The following VSIG10L variants were observed in gnomAD, a reference collection of about 807,000 sequenced individuals.
VSIG10L encodes V-set and immunoglobulin domain containing 10 like, also known as V-set and immunoglobulin domain-containing protein 10-like.
VSIG10L carries 63 observed loss-of-function variants against 67.3 expected under a neutral mutation model. The observed-to-expected ratio is 0.94, with a 90% confidence interval of 0.76 to 1.15. VSIG10L has a LOEUF of 1.15. Among genes scored for constraint, VSIG10L ranks in the 50% most tolerant of loss-of-function variants. The pLI is 0.00. For missense variants in VSIG10L, 1,050 were observed against 1,177.5 expected (o/e 0.89, Z 1.58); for synonymous variants, 499 against 524.9 (o/e 0.95, Z 0.67).
In VSIG10L at chr19:51,331,630, A is replaced by G. The variant is rs558681600; in HGVS notation, c.*981T>C. 6.6e-6 allele frequency: 1 copy of G among 152,320 alleles called. No homozygotes were observed. Among genetic ancestry groups the G allele is most frequent in the East Asian group, 1.9e-4 (1 of 5,184 alleles). The allele number at this position is 152,320 out of a possible 1,614,324, so 9.4% of individuals were successfully genotyped here. On this transcript the variant is annotated 3_prime_UTR_variant, in exon 10 of 10. Transcript: ENST00000335624. ...TTCTCAATTAGAAACCCAGCTGAAA[A>G]AGCAAGACTTACGCTGAAGACAGCA...
chr19:51,340,210 G>A lies in VSIG10L; in HGVS notation c.1279C>T (p.Arg427Cys), dbSNP rs1342354303. 3 of 1,488,390 alleles carry A rather than the reference G, an allele frequency of 2.0e-6. 1 individual carries two copies. The Admixed American group carries it at 6.5e-5, about 32-fold the overall frequency. 92.2% of individuals were successfully genotyped at this position (1,488,390 alleles called of 1,614,324 possible). ...FVTAGSNVTLRCAAASRPPAD... is the reference protein window; with the variant it reads ...FVTAGSNVTLCCAAASRPPAD... ...GGCGGCCGCGAGGCGGCGGCGCAGCGCAAGGTCACGTTACTGCCCGCGGTG... is the reference window on the plus strand; with the variant it reads ...GGCGGCCGCGAGGCGGCGGCGCAGCACAAGGTCACGTTACTGCCCGCGGTG... The change falls in exon 4 of 10, where the codon CGC becomes TGC. Residue 427 changes from arginine (R) to cysteine (C), a missense_variant. Coordinates refer to ENST00000335624, the MANE Select transcript of VSIG10L (RefSeq NM_001163922.3). This position sits in a 1 kb window ranked among gnomAD's most constrained non-coding sequence, Gnocchi z 6.3.
Position 51,334,320 on chromosome 19 carries a change from A to G in VSIG10L, c.2306-16T>C, listed in dbSNP as rs1236382826. ...AACGTGGGGCCTGGAAGAGACAAAG[A>G]GAAGAAAGAGAAGGGGAACAGGAAC... is the stretch of plus-strand genomic sequence containing the variant. On this transcript the variant is annotated splice_polypyrimidine_tract_variant and intron_variant, in intron 7 of 9. Coordinates refer to ENST00000335624, the MANE Select transcript of VSIG10L (RefSeq NM_001163922.3). The G allele has an allele frequency of 4.5e-6, 7 of 1,547,832 alleles. No individual in the cohort carries two copies. The highest frequency in any genetic ancestry group is 2.4e-5 in the South Asian group (2 of 83,810).
rs185037000 is a variant in VSIG10L at position 51,341,074 on chromosome 19, C to A, written c.895+79G>T. On this transcript the variant is annotated intron_variant, in intron 2 of 9. Coordinates refer to ENST00000335624, the MANE Select transcript of VSIG10L (RefSeq NM_001163922.3). Reference sequence around the variant, plus strand: ...CCTCTTCTCCTATCCAGGGACCCCACAGCACCGTGACTTGCCCAAAGCCTG... The same window carrying A: ...CCTCTTCTCCTATCCAGGGACCCCAAAGCACCGTGACTTGCCCAAAGCCTG... The A allele has an allele frequency of 3.5e-6, 5 of 1,445,070 alleles. No individual in the cohort carries two copies. In the Admixed American group the frequency reaches 1.4e-4, roughly 41 times the overall value. The allele number at this position is 1,445,070 out of a possible 1,614,324, so 89.5% of individuals were successfully genotyped here.
Position 51,341,976 on chromosome 19 carries a change from G to C in VSIG10L, c.72C>G (p.Ala24=). ...ASLVGILTLR[A]SSGLQQTNFS... ...AGTTGGTTTGCTGAAGTCCAGAAGA[G>C]GCTCTGAGGGTGAGGATCCCTACCA... Residue 24 remains alanine (A), a synonymous_variant, in exon 2 of 10, where the codon GCC becomes GCG. Coordinates refer to ENST00000335624, the MANE Select transcript of VSIG10L (RefSeq NM_001163922.3). The C allele has an allele frequency of 6.4e-7, 1 of 1,551,742 alleles. No homozygotes were observed.
Position 51,340,025 on chromosome 19 carries a change from A to G in VSIG10L, c.1464T>C (p.Leu488=). ...TGRRRRSLLN[L]TVADLPPGAP... ...GCTCCAGCCTCTCACCCGCCACTGT[A>G]AGGTTGAGCAGCGAGCGGCGGCGGC... Residue 488 remains leucine, a synonymous_variant, in exon 4 of 10, where the codon CTT becomes CTC. Coordinates refer to ENST00000335624, the MANE Select transcript of VSIG10L (RefSeq NM_001163922.3). The surrounding 1 kb of genome is among the most constrained non-coding windows in gnomAD (Gnocchi z 6.3). The G allele has an allele frequency of 1.4e-6, 2 of 1,431,198 alleles. No homozygotes were observed. Among genetic ancestry groups the G allele is most frequent in the Admixed American group, 2.7e-5 (1 of 37,180 alleles). The allele number at this position is 1,431,198 out of a possible 1,614,324, so 88.7% of individuals were successfully genotyped here. A position where few individuals can be genotyped will look rare whatever the true frequency, so the allele number is the denominator to read the frequency against.
In VSIG10L at chr19:51,334,308, G is replaced by A. The variant is rs186105475; in HGVS notation, c.2306-4C>T. The A allele has an allele frequency of 8.3e-4, 1,288 of 1,550,638 alleles. 1 individual carries two copies. The highest frequency in any genetic ancestry group is 1.0e-3 in the Non-Finnish European group (1,200 of 1,146,428). ...GCCCCATGGCTCAACGTGGGGCCTG[G>A]AAGAGACAAAGAGAAGAAAGAGAAG... On this transcript the variant is annotated splice_polypyrimidine_tract_variant and splice_region_variant and intron_variant, in intron 7 of 9. Transcript: ENST00000335624.
In VSIG10L at chr19:51,338,032, T is replaced by G; in HGVS notation, c.1906A>C (p.Lys636Gln). 1 of 1,551,668 alleles carries G rather than the reference T, an allele frequency of 6.4e-7. No individual in the cohort carries two copies. Residue 636 changes from lysine (K) to glutamine (Q), a missense_variant, in exon 6 of 10, where the codon AAA (lysine) becomes CAA (glutamine). Physicochemically the swap from Lys to Gln is moderately conservative, Grantham distance 53. Around this residue, in one of 3 missense-constraint regions of VSIG10L, gnomAD observed 529 missense variants for 584.9 expected, o/e 0.90. Transcript: ENST00000335624. ...AGGCTGAAGTTGCCGATGTGGAGTT[T>G]CCGCCCATCTTGACTGAGCCGCAGG... ...SRLRLSQDGR[K>Q]LHIGNFSLDW...
intron 6 of VSIG10L, 38 bp from the exon 7 acceptor site, chr19:51,337,572 A>G: frequency 2.0e-6 from 2 of 1,017,636 alleles, no homozygotes; most frequent in South Asian, 2.0e-5. Flanking sequence ...CTTGGGTGCC[A>G]GAGGGGAGAG....
At position 51,341,245 on chromosome 19, in the gene VSIG10L, G is replaced by A; in HGVS notation, c.803C>T (p.Ser268Phe). Residue 268 changes from serine (S) to phenylalanine (F), a missense_variant, in exon 2 of 10, where the codon TCT becomes TTT. Physicochemically the swap from Ser to Phe is radical, Grantham distance 155. Around this residue, in one of 3 missense-constraint regions of VSIG10L, gnomAD observed 511 missense variants for 557.9 expected, o/e 0.92. Coordinates refer to ENST00000335624, the MANE Select transcript of VSIG10L (RefSeq NM_001163922.3). ...DQARGVLELA[S>F]AQLDDAGVYT... ...GACCCCTGCATCGTCCAGCTGGGCA[G>A]AGGCGAGCTCCAGAACCCCCCGGGC... 1 of 1,550,962 alleles carries A rather than the reference G, an allele frequency of 6.4e-7. No individual in the cohort carries two copies. The highest frequency in any genetic ancestry group is 8.7e-7 in the Non-Finnish European group (1 of 1,146,932).
Position 51,333,796 on chromosome 19 carries a change from A to G in VSIG10L, c.2569T>C (p.Tyr857His), listed in dbSNP as rs1057125690. The change falls in exon 9 of 10, where the codon TAC becomes CAC. Residue 857 changes from tyrosine (Y) to histidine (H), a missense_variant. Tyr to His is a moderately conservative substitution (Grantham distance 83). Around this residue, in one of 3 missense-constraint regions of VSIG10L, gnomAD observed 529 missense variants for 584.9 expected, o/e 0.90. Transcript: ENST00000335624. ...ATGAGGGCACCCACACTCACTTGGT[A>G]GGCCCTAGTTGAGCTGTGGTCCTCC... Reference protein sequence around the residue: ...PLEDHSSTRAYQAQTPVQLSL With the variant: ...PLEDHSSTRAHQAQTPVQLSL 9 of 1,543,818 alleles carry G rather than the reference A, an allele frequency of 5.8e-6. No homozygotes were observed. Among genetic ancestry groups the G allele is most frequent in the Non-Finnish European group, 7.9e-6 (9 of 1,144,256 alleles).
In VSIG10L at chr19:51,331,976, A is replaced by C. The variant is rs1468273519; in HGVS notation, c.*635T>G. ...TATGGGAAAAAGAAGTGTTATAAGC[A>C]CAGCAAACTCTAGGGGCAAAATAAA... On this transcript the variant is annotated 3_prime_UTR_variant, in exon 10 of 10. Transcript: ENST00000335624. 1 of 154,084 alleles carries C rather than the reference A, an allele frequency of 6.5e-6. No individual in the cohort carries two copies. The highest frequency in any genetic ancestry group is 2.4e-5 in the African/African-American group (1 of 41,440). The allele number at this position is 154,084 out of a possible 1,614,324, so 9.5% of individuals were successfully genotyped here.
At position 51,332,299 on chromosome 19, in the gene VSIG10L, A is replaced by G. The variant is rs1406830751; in HGVS notation, c.*312T>C. Reference sequence around the variant, plus strand: ...CATGGCCAAGCTCCCTCTCTAGCTCAGAGCAACACAGCAAGCCCTGCCTGT... The same window carrying G: ...CATGGCCAAGCTCCCTCTCTAGCTCGGAGCAACACAGCAAGCCCTGCCTGT... On this transcript the variant is annotated 3_prime_UTR_variant, in exon 10 of 10. Coordinates refer to ENST00000335624, the MANE Select transcript of VSIG10L (RefSeq NM_001163922.3). The G allele has an allele frequency of 4.4e-6, 2 of 457,424 alleles. No individual in the cohort carries two copies. The highest frequency in any genetic ancestry group is 8.8e-5 in the East Asian group (2 of 22,838). 28.3% of individuals were successfully genotyped at this position (457,424 alleles called of 1,614,324 possible).
intron 7 of VSIG10L, among the ~76,000 whole-genome samples, chr19:51,336,981 T>C (rs963604097): frequency 8.5e-5 from 13 of 152,106 alleles, no homozygotes; most frequent in African/African-American, 2.9e-4. Context: ...TGAGCCAGGA[T>C]GGTCTCGATC....
rs981051492 is a variant in VSIG10L at position 51,337,393 on chromosome 19, T to C, written c.2150A>G (p.Tyr717Cys). The C allele has an allele frequency of 7.1e-6, 11 of 1,551,456 alleles. No individual in the cohort carries two copies. The highest frequency in any genetic ancestry group is 3.9e-5 in the Admixed American group (2 of 50,968). ...DGPALGRTSTYRDWVSLLILG... is the reference protein window; with the variant it reads ...DGPALGRTSTCRDWVSLLILG... Reference sequence around the variant, plus strand: ...GATGAGCAGGGAGACCCAGTCCCTGTAGGTGGAAGTCCTGCCCAGAGCAGG... The same window carrying C: ...GATGAGCAGGGAGACCCAGTCCCTGCAGGTGGAAGTCCTGCCCAGAGCAGG... The change falls in exon 7 of 10, where the codon TAC (tyrosine) becomes TGC (cysteine). Residue 717 changes from tyrosine to cysteine, a missense_variant. Tyr to Cys is a radical substitution (Grantham distance 194). Coordinates refer to ENST00000335624, the MANE Select transcript of VSIG10L (RefSeq NM_001163922.3).
At position 51,337,311 on chromosome 19, in the gene VSIG10L, G is replaced by A; in HGVS notation, c.2232C>T (p.Thr744=). The A allele has an allele frequency of 6.4e-7, 1 of 1,551,724 alleles. No homozygotes were observed. The highest frequency in any genetic ancestry group is 8.7e-7 in the Non-Finnish European group (1 of 1,147,004). The part of the protein sequence containing the change: ...VVPLPPRNPG[T]WTFRILPILG... Reference sequence around the variant, plus strand: ...GGATGGGCAGGATCCGAAAGGTCCAGGTCCCTGGGTTCCGAGGTGGAAGGG... The same window carrying A: ...GGATGGGCAGGATCCGAAAGGTCCAAGTCCCTGGGTTCCGAGGTGGAAGGG... Residue 744 remains threonine (T), a synonymous_variant, in exon 7 of 10, where the codon ACC becomes ACT. Transcript: ENST00000335624.
At chr19:51,335,772 C>T (rs540842290) in intron 7 of VSIG10L, among the ~76,000 whole-genome samples, 1 of 152,086 alleles carries the variant, frequency 6.6e-6, no homozygotes, top group East Asian at 1.9e-4. Context: ...ATTAGCTGGG[C>T]GTGGTGGCTC....
chr19:51,337,691 A>T, intron 6 of VSIG10L, among the ~76,000 whole-genome samples, 157 bp from the exon 7 acceptor site: 2 of 77,266 alleles, frequency 2.6e-5, no homozygotes. Flanking sequence ...CCTGGATCTG[A>T]GGGTGGAAGG....
chr19:51,340,961 C>A lies in VSIG10L; in HGVS notation c.895+192G>T. On this transcript the variant is annotated intron_variant, in intron 2 of 9. Transcript: ENST00000335624. The surrounding 1 kb of genome is among the most constrained non-coding windows in gnomAD (Gnocchi z 6.3). ...TCCCTCAGACCTGGGAGTTCAGGCT[C>A]CCAGGAGTCTCCATCCCAGGTCCAC... 1 of 987,708 alleles carries A rather than the reference C, an allele frequency of 1.0e-6. No individual in the cohort carries two copies. 61.2% of individuals were successfully genotyped at this position (987,708 alleles called of 1,614,324 possible). A position where few individuals can be genotyped will look rare whatever the true frequency, so the allele number is the denominator to read the frequency against.
chr19:51,341,347 G>A lies in VSIG10L; in HGVS notation c.701C>T (p.Ala234Val). The A allele has an allele frequency of 1.9e-6, 3 of 1,541,408 alleles. No homozygotes were observed. Among genetic ancestry groups the A allele is most frequent in the Non-Finnish European group, 1.7e-6 (2 of 1,146,130 alleles). ...VVWRRGSKVL[A>V]AGGLGPGAPL... Reference sequence around the variant, plus strand: ...TGCCCCTGGCCCCAGGCCCCCAGCTGCCAGCACCTTTGAGCCCCGGCGCCA... The same window carrying A: ...TGCCCCTGGCCCCAGGCCCCCAGCTACCAGCACCTTTGAGCCCCGGCGCCA... The change falls in exon 2 of 10, where the codon GCA becomes GTA. Residue 234 changes from alanine to valine, a missense_variant. This residue lies in a region of VSIG10L where 511 missense variants were observed against 557.9 expected (regional missense o/e 0.92). Transcript: ENST00000335624.
Sources: gnomAD v4.1 joint callset for allele counts (sites outside exome capture counted in the v4.1 genomes callset) on GRCh38, gnomAD v4.1.1 for gene constraint, gnomAD v4.1.1 regional missense constraint, Gnocchi (gnomAD v3.1) non-coding constraint, MANE v1.5 for transcripts, NCBI Gene and HGNC (gene_info 2026-07-23, HGNC 2026-07-21) for gene names.